The following UTS2 variants were observed in gnomAD, a reference collection of about 807,000 sequenced individuals.
The protein encoded by UTS2 is urotensin 2.
UTS2 carries 10 observed loss-of-function variants against 12.6 expected under a neutral mutation model. The observed-to-expected ratio is 0.80, with a 90% CI of 0.49 to 1.35. The LOEUF (loss-of-function observed/expected upper bound fraction) is 1.35, where lower values mean the gene tolerates loss of function less well. Ranked by LOEUF, UTS2 falls within the 40% of genes most tolerant of loss-of-function variation. The pLI, the probability that UTS2 is intolerant of heterozygous loss-of-function variation, is 0.00. For missense variants in UTS2, 142 were observed against 143.2 expected (o/e 0.99, Z 0.04); for synonymous variants, 52 against 50.0 (o/e 1.04, Z -0.17).
upstream of UTS2, chr1:7,853,550 A>G (rs1638220895): frequency 7.1e-7 from 1 of 1,401,354 alleles, no homozygotes; most frequent in Non-Finnish European, 9.7e-7. Flanking sequence ...TAAAACAGTG[A>G]AAAGTTAAAA....
At chr1:7,902,953 A>G in the UTS2 span, among the ~76,000 whole-genome samples, 1 of 151,480 alleles carries the variant, frequency 6.6e-6, no homozygotes, top group Non-Finnish European at 1.5e-5. Context: ...CTTGTGGTAG[A>G]GCGTTTTTTG....
chr1:7,862,571 G>A, the UTS2 span, among the ~76,000 whole-genome samples: 15 of 152,278 alleles, frequency 9.9e-5, no homozygotes, highest in South Asian at 3.1e-3. Flanking sequence ...TGCGTCTGGT[G>A]AGGGCACTCA....
chr1:7,884,071 C>T, the UTS2 span, among the ~76,000 whole-genome samples: 4 of 152,098 alleles, frequency 2.6e-5, no homozygotes, highest in Non-Finnish European at 4.4e-5. Context: ...GCCTTGGCCT[C>T]CCAAAGGGAA....
chr1:7,889,645 A>C, the UTS2 span, among the ~76,000 whole-genome samples: 10 of 152,114 alleles, frequency 6.6e-5, no homozygotes, highest in African/African-American at 2.4e-4. Context: ...TCTCTACTAA[A>C]AATACAAAAA....
At chr1:7,876,998 T>C in the UTS2 span, among the ~76,000 whole-genome samples, 1 of 151,024 alleles carries the variant, frequency 6.6e-6, no homozygotes, top group East Asian at 1.9e-4. Context: ...GGCATGGTGG[T>C]GCATGCCTGT....
chr1:7,849,750 T>C (rs1485945464), intron 2 of UTS2, 67 bp from the exon 3 acceptor site: 4 of 1,360,036 alleles, frequency 2.9e-6, no homozygotes, highest in African/African-American at 3.0e-5. Context: ...TTTTAAAATA[T>C]ACAAAATAAT....
chr1:7,852,853 A>G, intron 1 of UTS2, 48 bp downstream of exon 1: 1 of 1,565,662 alleles, frequency 6.4e-7, no homozygotes, highest in Non-Finnish European at 8.6e-7. Context: ...ATTTAAGACT[A>G]GTAAAGGCTC....
At chr1:7,872,645 C>T in the UTS2 span, among the ~76,000 whole-genome samples, 1 of 152,130 alleles carries the variant, frequency 6.6e-6, no homozygotes, top group African/African-American at 2.4e-5. Context: ...GAGGAAGCTG[C>T]AGAAGAACTG....
the UTS2 span, among the ~76,000 whole-genome samples, chr1:7,902,068 A>T: frequency 6.6e-6 from 1 of 152,182 alleles, no homozygotes; most frequent in South Asian, 2.1e-4. Context: ...TGGTAACACC[A>T]GGCTGGGAGG....
chr1:7,849,488 G>A (rs2097411639), intron 3 of UTS2, 152 bp downstream of exon 3: 2 of 657,448 alleles, frequency 3.0e-6, no homozygotes, highest in Non-Finnish European at 2.5e-6. Flanking sequence ...TGGGATCACA[G>A]GCATGAGCTA....
the UTS2 span, among the ~76,000 whole-genome samples, chr1:7,876,487 C>T: frequency 6.6e-6 from 1 of 152,168 alleles, no homozygotes; most frequent in African/African-American, 2.4e-5. Context: ...ATCATCAATG[C>T]TATGCAACCA....
At chr1:7,895,426 CT>C in the UTS2 span, among the ~76,000 whole-genome samples, 39 of 151,978 alleles carry the variant, frequency 2.6e-4, no homozygotes, top group African/African-American at 8.9e-4. Flanking sequence ...CTACAGTGAT[CT>C]TTTTTCCCCC....
Position 7,850,973 on chromosome 1 carries a change from A to G in UTS2, c.104-51T>C, listed in dbSNP as rs192375639. On this transcript the variant is annotated intron_variant, in intron 1 of 3. Coordinates refer to ENST00000361696, the MANE Select transcript of UTS2 (RefSeq NM_006786.4). ...AATTGGGTTCATCCTTCAGTTAGTT[A>G]TTTCTGTTCCTTGTGTCTTTGGCGA... 7 of 1,575,080 alleles carry G rather than the reference A, an allele frequency of 4.4e-6. No homozygotes were observed. In the Admixed American group the frequency reaches 5.0e-5, roughly 11 times the overall value.
At chr1:7,907,889 C>T in the UTS2 span, among the ~76,000 whole-genome samples, 145 of 152,172 alleles carry the variant, frequency 9.5e-4, no homozygotes, top group African/African-American at 3.3e-3. Context: ...AGGCTGGGCA[C>T]GGTGGCTAGC....
At chr1:7,871,322 A>G in the UTS2 span, among the ~76,000 whole-genome samples, 2 of 148,544 alleles carry the variant, frequency 1.3e-5, no homozygotes, top group African/African-American at 5.1e-5. Context: ...TGTACTTATC[A>G]GTCACGTAAC....
At chr1:7,906,463 G>GAAAGAAAGAAAGAA in the UTS2 span, among the ~76,000 whole-genome samples, 1 of 107,532 alleles carries the variant, frequency 9.3e-6, no homozygotes, top group Non-Finnish European at 1.9e-5. Flanking sequence ...AAGAAAGAAA[G>GAAAGAAAGAAAGAA]AAAGAAAGAA....
the UTS2 span, among the ~76,000 whole-genome samples, chr1:7,904,903 C>CAA: frequency 0.045 from 2,586 of 57,130 alleles, 246 homozygotes; most frequent in Admixed American, 0.064. Flanking sequence ...GACTCTGTCT[C>CAA]AAAAAAAAAA....
chr1:7,873,722 C>T, the UTS2 span, among the ~76,000 whole-genome samples: 2 of 151,980 alleles, frequency 1.3e-5, no homozygotes, highest in Non-Finnish European at 2.9e-5. Flanking sequence ...GTGAAGATGC[C>T]GCCAATATTG....
intron 1 of UTS2, 36 bp from the exon 2 acceptor site, chr1:7,850,958 A>G (rs753046309): frequency 6.2e-7 from 1 of 1,600,712 alleles, no homozygotes; most frequent in African/African-American, 1.3e-5. Context: ...AATTGGGTTC[A>G]TCCTTCAGTT....
Sources: allele counts gnomAD v4.1 joint callset (sites outside exome capture counted in the v4.1 genomes callset), GRCh38; gene constraint gnomAD v4.1.1; transcripts MANE v1.5; gene names NCBI Gene and HGNC (gene_info 2026-07-23, HGNC 2026-07-21).